The following FANK1 variants were observed in gnomAD, a reference collection of about 807,000 sequenced individuals.
FANK1 encodes fibronectin type 3 and ankyrin repeat domains protein 1.
Under a neutral mutation model 45.3 loss-of-function variants are expected in FANK1, and 44 were observed. That is an observed-to-expected ratio of 0.97 (90% confidence interval 0.76 to 1.25). The LOEUF is 1.25. Among genes scored for constraint, FANK1 ranks in the 50% most tolerant of loss-of-function variants. The pLI is 0.00. For missense variants in FANK1, 391 were observed against 424.4 expected (o/e 0.92, Z 0.69); for synonymous variants, 149 against 152.5 (o/e 0.98, Z 0.17).
At chr10:125,951,315 CATATTTTTT>C (rs1410232550) in intron 1 of FANK1, among the ~76,000 whole-genome samples, 1 of 151,374 alleles carries the variant, frequency 6.6e-6, no homozygotes, top group East Asian at 1.9e-4. Context: ...ACTATTTGCT[CATATTTTTT>C]ATAATACCTG....
intron 1 of FANK1, among the ~76,000 whole-genome samples, chr10:125,904,727 G>T (rs111694050): frequency 1.4e-3 from 169 of 122,274 alleles, no homozygotes; most frequent in East Asian, 4.8e-3. Context: ...TGTGACTGAT[G>T]AGCCTGTAGT....
chr10:125,919,079 C>T (rs996916705), intron 1 of FANK1, among the ~76,000 whole-genome samples: 7 of 152,002 alleles, frequency 4.6e-5, no homozygotes, highest in Non-Finnish European at 2.9e-5. Context: ...TAGGAGTCAG[C>T]TACTGTTTGC....
intron 1 of FANK1, among the ~76,000 whole-genome samples, chr10:125,971,530 C>A (rs566739475): frequency 6.6e-6 from 1 of 152,040 alleles, no homozygotes; most frequent in Admixed American, 6.5e-5. Flanking sequence ...TTAAAAATTT[C>A]CTTGGGGTTC....
chr10:125,919,105 G>A (rs1946727808), intron 1 of FANK1, among the ~76,000 whole-genome samples: 1 of 150,106 alleles, frequency 6.7e-6, no homozygotes, highest in African/African-American at 2.4e-5. Context: ...ATAATATTCA[G>A]TAAGGAGCTA....
intron 3 of FANK1, among the ~76,000 whole-genome samples, chr10:125,989,108 A>G (rs1350744518): frequency 6.6e-6 from 1 of 152,156 alleles, no homozygotes; most frequent in African/African-American, 2.4e-5. Flanking sequence ...CACAAACCCG[A>G]TTCCTGGGGT....
At chr10:125,971,766 T>C (rs891450300) in intron 1 of FANK1, among the ~76,000 whole-genome samples, 4 of 151,990 alleles carry the variant, frequency 2.6e-5, no homozygotes, top group South Asian at 2.1e-4. Flanking sequence ...GGACTACAGG[T>C]GCCCGCTACC....
At chr10:125,938,666 G>A (rs562240162) in intron 1 of FANK1, among the ~76,000 whole-genome samples, 5 of 152,162 alleles carry the variant, frequency 3.3e-5, no homozygotes, top group African/African-American at 1.2e-4. Context: ...AAAATTAGCC[G>A]GACATGGTGG....
At chr10:125,979,342 A>C (rs986141733) in intron 1 of FANK1, among the ~76,000 whole-genome samples, 17 of 151,898 alleles carry the variant, frequency 1.1e-4, no homozygotes, top group Admixed American at 1.1e-3. Flanking sequence ...CATCTTGGCC[A>C]CTCACTCTTG....
At chr10:125,985,639 A>T (rs1951505298) in intron 2 of FANK1, among the ~76,000 whole-genome samples, 1 of 152,118 alleles carries the variant, frequency 6.6e-6, no homozygotes, top group South Asian at 2.1e-4. Context: ...ATACTATCTC[A>T]GTTATCTGCT....
intron 1 of FANK1, among the ~76,000 whole-genome samples, chr10:125,963,817 C>T (rs138900223): frequency 0.012 from 1,840 of 152,156 alleles, 39 homozygotes; most frequent in African/African-American, 0.042. Flanking sequence ...GGGTGCAGCA[C>T]ACCAACATGG....
chr10:125,978,497 C>G (rs1321320287), intron 1 of FANK1, among the ~76,000 whole-genome samples: 1 of 151,618 alleles, frequency 6.6e-6, no homozygotes, highest in Non-Finnish European at 1.5e-5. Flanking sequence ...CAATGTCCAT[C>G]TGTCAGATGG....
intron 1 of FANK1, among the ~76,000 whole-genome samples, chr10:125,903,557 A>G (rs1206240882): frequency 6.6e-6 from 1 of 152,278 alleles, no homozygotes; most frequent in Admixed American, 6.5e-5. Context: ...TGAGAGAAAC[A>G]AAACAACTTA....
chr10:125,900,326 C>T (rs765788442), intron 1 of FANK1, among the ~76,000 whole-genome samples: 47 of 151,428 alleles, frequency 3.1e-4, no homozygotes, highest in Non-Finnish European at 6.3e-4. Flanking sequence ...AAACGTACAT[C>T]ACTTCCCATT....
intron 1 of FANK1, among the ~76,000 whole-genome samples, chr10:125,958,826 C>T (rs1949738713): frequency 6.6e-6 from 1 of 152,130 alleles, no homozygotes; most frequent in Non-Finnish European, 1.5e-5. Flanking sequence ...ATTTAAGTTG[C>T]ATAGTTTGAG....
At chr10:126,007,696 AGT>A (rs1391325875) in intron 7 of FANK1, among the ~76,000 whole-genome samples, 30 of 152,142 alleles carry the variant, frequency 2.0e-4, no homozygotes, top group Non-Finnish European at 2.5e-4. Flanking sequence ...TGCACACACG[AGT>A]GTGTGTGCGT....
At chr10:125,969,304 T>G (rs1275134303) in intron 1 of FANK1, among the ~76,000 whole-genome samples, 1 of 151,940 alleles carries the variant, frequency 6.6e-6, no homozygotes, top group Non-Finnish European at 1.5e-5. Flanking sequence ...AGCCTGACTT[T>G]GTGATGAAAT....
intron 3 of FANK1, among the ~76,000 whole-genome samples, chr10:125,990,897 A>T (rs1397594853): frequency 6.6e-6 from 1 of 152,136 alleles, no homozygotes; most frequent in Non-Finnish European, 1.5e-5. Flanking sequence ...GGCAAGAGAG[A>T]GCATGTGCAG....
rs1951800589 is a variant in FANK1, at chr10:125,989,742, T to TG, written c.316+1069dup. ...AGTGTTGAGAACATTTGCTGTAACA[T>TG]GGAAGGTACTTACCTCTGGGGTTCT... is the stretch of plus-strand genomic sequence containing the variant. On this transcript the variant is annotated intron_variant, in intron 3 of 10. Transcript: ENST00000368693. 2.0e-5 allele frequency among the ~76,000 whole-genome samples: 3 copies of TG among 152,184 alleles called. No individual in the cohort carries two copies. In the East Asian group the frequency reaches 5.8e-4, roughly 29 times the overall value.
chr10:125,963,041 G>C (rs1022937237), intron 1 of FANK1, among the ~76,000 whole-genome samples: 4 of 150,072 alleles, frequency 2.7e-5, no homozygotes, highest in African/African-American at 9.8e-5. Context: ...CTGGAGTGCA[G>C]TGGTGTGTGA....
Sources: gnomAD v4.1 joint callset for allele counts (sites outside exome capture counted in the v4.1 genomes callset) on GRCh38, gnomAD v4.1.1 for gene constraint, MANE v1.5 for transcripts, NCBI Gene and HGNC (gene_info 2026-07-23, HGNC 2026-07-21) for gene names.